The following COL4A5 variants were observed in gnomAD, a reference collection of about 807,000 sequenced individuals.
The protein encoded by COL4A5 is collagen type IV alpha 5 chain.
In COL4A5, 26 loss-of-function variants were observed where a neutral mutation model predicts 130.2. The observed-to-expected ratio is 0.20, with a 90% CI of 0.15 to 0.28. COL4A5 has a LOEUF of 0.28. Among genes scored for constraint, COL4A5 ranks in the 10% least tolerant of loss-of-function variants. The pLI, the probability that COL4A5 is intolerant of heterozygous loss-of-function variation, is 1.00. For missense variants in COL4A5, 1,131 were observed against 1,344.3 expected (o/e 0.84, Z 2.48); for synonymous variants, 496 against 439.6 (o/e 1.13, Z -1.60).
intron 2 of COL4A5, among the ~76,000 whole-genome samples, chrX:108,543,149 T>G (rs1470681846): frequency 9.0e-6 from 1 of 110,558 alleles, no homozygotes; most frequent in Non-Finnish European, 1.9e-5. Flanking sequence ...TTGTTGCCAT[T>G]GCTTTTGGTG....
At chrX:108,465,804 C>T (rs2064700198) in intron 1 of COL4A5, among the ~76,000 whole-genome samples, 1 of 111,376 alleles carries the variant, frequency 9.0e-6, no homozygotes, top group African/African-American at 3.3e-5. Flanking sequence ...AAAAAATTAT[C>T]AAGGTGAAAT....
At chrX:108,452,790 G>C (rs147965787) in intron 1 of COL4A5, among the ~76,000 whole-genome samples, 4 of 111,534 alleles carry the variant, frequency 3.6e-5, no homozygotes, top group African/African-American at 6.5e-5. Context: ...GTTTGACTTC[G>C]TCTTTTCGTA....
chrX:108,673,909 G>A (rs1308852044), intron 42 of COL4A5, among the ~76,000 whole-genome samples: 2 of 108,347 alleles, frequency 1.8e-5, no homozygotes, highest in Non-Finnish European at 3.8e-5. Context: ...AGGCGTGGTG[G>A]TGGGTGCCTG....
intron 1 of COL4A5, among the ~76,000 whole-genome samples, chrX:108,475,522 A>G (rs2064823969): frequency 9.0e-6 from 1 of 111,452 alleles, no homozygotes; most frequent in African/African-American, 3.3e-5. Flanking sequence ...ACTTGCTTCT[A>G]TTATTAGTGG....
chrX:108,674,837 A>G lies in COL4A5; in HGVS notation c.3808+84A>G, dbSNP rs747400519. ...GATAAGAGAAATGCAATTTTTTGCT[A>G]TAATTCAGAAGTCATTGGAGAGTGC... On this transcript the variant is annotated intron_variant, in intron 43 of 52. Coordinates refer to ENST00000328300, the MANE Select transcript of COL4A5 (RefSeq NM_033380.3). 29 of 994,454 alleles carry G rather than the reference A, an allele frequency of 2.9e-5. No homozygotes were observed. The South Asian group carries it at 3.2e-4, about 11-fold the overall frequency. The allele number at this position is 994,454 out of a possible 1,213,427, so 82.0% of individuals were successfully genotyped here.
chrX:108,557,479 A>G (rs1285537265), intron 2 of COL4A5, among the ~76,000 whole-genome samples: 2 of 111,872 alleles, frequency 1.8e-5, no homozygotes, highest in Non-Finnish European at 3.8e-5. Flanking sequence ...GAATGTTGCC[A>G]TCTATCATTA....
chrX:108,665,115 T>C (rs2068049712), intron 37 of COL4A5, among the ~76,000 whole-genome samples: 1 of 112,265 alleles, frequency 8.9e-6, no homozygotes, highest in Non-Finnish European at 1.9e-5. Context: ...GCTTTATTTA[T>C]AATAGATAAA....
chrX:108,588,953 A>G (rs769076488), intron 19 of COL4A5, among the ~76,000 whole-genome samples: 57 of 111,816 alleles, frequency 5.1e-4, no homozygotes, highest in Admixed American at 1.5e-3. Context: ...TGAAATAGTT[A>G]CTGGAGGTTT....
At position 108,603,048 on chromosome X, in the gene COL4A5, T is replaced by C. The variant is rs1456158133; in HGVS notation, c.2231T>C (p.Phe744Ser). Reference sequence around the variant, plus strand: ...GAAGGCCCTCCTGGGCCACCCGGCTTTCCAGGACCAAAGGTCTGGGACATT... The same window carrying C: ...GAAGGCCCTCCTGGGCCACCCGGCTCTCCAGGACCAAAGGTCTGGGACATT... ...GLEGPPGPPG[F>S]PGPKGEPGFA... is the part of the protein sequence containing the mutation. Residue 744 changes from phenylalanine (F) to serine (S), a missense_variant, in exon 28 of 53, where the codon TTT (phenylalanine) becomes TCT (serine). Physicochemically the swap from Phe to Ser is radical, Grantham distance 155. Coordinates refer to ENST00000328300, the MANE Select transcript of COL4A5 (RefSeq NM_033380.3). 8.5e-7 allele frequency: 1 copy of C among 1,170,659 alleles called. No individual in the cohort carries two copies.
chrX:108,562,427 TA>T (rs2065910606), intron 3 of COL4A5, among the ~76,000 whole-genome samples: 1 of 112,081 alleles, frequency 8.9e-6, no homozygotes, highest in African/African-American at 3.2e-5. Flanking sequence ...TGTATTAAAT[TA>T]AAATAAGTTA....
Position 108,606,747 on chromosome X carries a change from A to G in COL4A5, c.2250A>G (p.Glu750=), listed in dbSNP as rs763656008. Residue 750 remains glutamate, a synonymous_variant, in exon 29 of 53, where the codon GAA becomes GAG. Coordinates refer to ENST00000328300, the MANE Select transcript of COL4A5 (RefSeq NM_033380.3). ...TTGTCATGTGTATGCTCAAGGGTGA[A>G]CCAGGATTTGCATTACCTGGGCCAC... ...GPPGFPGPKG[E]PGFALPGPPG... is the part of the protein sequence containing the mutation. 1.7e-6 allele frequency: 2 copies of G among 1,211,457 alleles called. No homozygotes were observed. The highest frequency in any genetic ancestry group is 3.5e-5 in the South Asian group (2 of 56,983).
chrX:108,548,580 G>A lies in COL4A5; in HGVS notation c.141+8775G>A, dbSNP rs145604181. Among the ~76,000 whole-genome samples the A allele has an allele frequency of 7.3e-3, 817 of 111,497 alleles. 4 individuals are homozygous for A. The highest frequency in any genetic ancestry group is 0.025 in the African/African-American group (779 of 30,741). On this transcript the variant is annotated intron_variant, in intron 2 of 52. Transcript: ENST00000328300. ...AATTATGGGGCACTAAGAATGGCAA[G>A]AATTCTCCACACTTGGTGAAAAGTA...
chrX:108,648,693 C>T lies in COL4A5; in HGVS notation c.3247-6638C>T, dbSNP rs187493835. Among the ~76,000 whole-genome samples, 284 of 111,927 alleles carry T rather than the reference C, an allele frequency of 2.5e-3. 2 individuals are homozygous for T. Among genetic ancestry groups the T allele is most frequent in the African/African-American group, 8.9e-3 (275 of 30,850 alleles). On this transcript the variant is annotated intron_variant, in intron 36 of 52. Transcript: ENST00000328300. ...AAACATTCAACAAAATCCAGCATCACTTTACAATTAAAACTCTCAGCGAAG... is the reference window on the plus strand; with the variant it reads ...AAACATTCAACAAAATCCAGCATCATTTTACAATTAAAACTCTCAGCGAAG...
Position 108,624,316 on chromosome X carries a change from G to A in COL4A5, c.2998G>A (p.Gly1000Arg), listed in dbSNP as rs2067110688. The change falls in exon 34 of 53, where the codon GGA becomes AGA. Residue 1000 changes from glycine (G) to arginine (R), a missense_variant. Coordinates refer to ENST00000328300, the MANE Select transcript of COL4A5 (RefSeq NM_033380.3). ...GCAACCTGGACTGAGTGGACAACCT[G>A]GATTACCAGGACCACCAGGTAAGTG... ...PGQPGLSGQP[G>R]LPGPPGPKGN... The A allele has an allele frequency of 3.3e-6, 4 of 1,204,961 alleles. No homozygotes were observed. In the Admixed American group the frequency reaches 6.6e-5, roughly 20 times the overall value.
chrX:108,655,370 A>G lies in COL4A5; in HGVS notation c.3286A>G (p.Ile1096Val). The G allele has an allele frequency of 8.3e-7, 1 of 1,210,490 alleles. No individual in the cohort carries two copies. Among genetic ancestry groups the G allele is most frequent in the African/African-American group, 1.7e-5 (1 of 57,840 alleles). The change falls in exon 37 of 53, where the codon ATC becomes GTC. Residue 1096 changes from isoleucine (I) to valine (V), a missense_variant. Ile to Val is a conservative substitution (Grantham distance 29). Transcript: ENST00000328300. Reference protein sequence around the residue: ...GLPGYPGNPGIKGSVGDPGLP... With the variant: ...GLPGYPGNPGVKGSVGDPGLP... ...GCCTGGATACCCAGGGAACCCTGGT[A>G]TCAAAGGTTCTGTGGGAGATCCTGG...
At chrX:108,597,950 C>T (rs1035460886) in intron 24 of COL4A5, among the ~76,000 whole-genome samples, 2 of 110,338 alleles carry the variant, frequency 1.8e-5, no homozygotes, top group Middle Eastern at 4.6e-3. Flanking sequence ...CAGCACTTTG[C>T]GAGGCTGAGG....
intron 2 of COL4A5, among the ~76,000 whole-genome samples, chrX:108,548,107 C>T (rs2065693411): frequency 9.0e-6 from 1 of 111,348 alleles, no homozygotes; most frequent in African/African-American, 3.3e-5. Context: ...GTGCGCTGCA[C>T]CCATTGTCCT....
chrX:108,448,466 A>G (rs1297949958), intron 1 of COL4A5, among the ~76,000 whole-genome samples: 1 of 112,193 alleles, frequency 8.9e-6, no homozygotes, highest in South Asian at 3.7e-4. Flanking sequence ...TGTATATGAC[A>G]TTAATTGAGT....
chrX:108,491,762 C>T (rs1413546542), intron 1 of COL4A5, among the ~76,000 whole-genome samples: 1 of 111,294 alleles, frequency 9.0e-6, no homozygotes, highest in Non-Finnish European at 1.9e-5. Context: ...TAGAAGTAAC[C>T]TTATTCTTAA....
Sources: gnomAD v4.1 joint callset for allele counts (sites outside exome capture counted in the v4.1 genomes callset) on GRCh38, gnomAD v4.1.1 for gene constraint, MANE v1.5 for transcripts, NCBI Gene and HGNC (gene_info 2026-07-23, HGNC 2026-07-21) for gene names.